The following USP38 variants were observed in gnomAD, a reference collection of about 807,000 sequenced individuals.
The protein encoded by USP38 is ubiquitin specific peptidase 38.
A neutral mutation model predicts 94.3 loss-of-function variants in USP38; 49 were observed. The observed-to-expected ratio is 0.52, with a 90% confidence interval of 0.41 to 0.66. The LOEUF is 0.66. Ranked by LOEUF, USP38 falls within the 30% of genes least tolerant of loss-of-function variation. USP38 has a pLI of 0.00. For missense variants in USP38, 1,128 were observed against 1,229.4 expected, an observed-to-expected ratio of 0.92 and a Z score of 1.23; for synonymous variants, 468 against 463.6, an observed-to-expected ratio of 1.01 and a Z score of -0.12.
chr4:143,186,438 G>A (rs1731226777), intron 1 of USP38, among the ~76,000 whole-genome samples: 1 of 152,188 alleles, frequency 6.6e-6, no homozygotes, highest in Non-Finnish European at 1.5e-5. Context: ...GAGGATGACA[G>A]CTACTGCAGA....
At position 143,185,627 on chromosome 4, in the gene USP38, G is replaced by A. The variant is rs1282694957; in HGVS notation, c.177G>A (p.Gln59=). ...ILEGQDPFQR[Q]VGHQVLEAYA... Reference sequence around the variant, plus strand: ...AGGGCCAGGACCCTTTCCAGCGGCAGGTGGGGCACCAGGTGCTGGAGGCCT... The same window carrying A: ...AGGGCCAGGACCCTTTCCAGCGGCAAGTGGGGCACCAGGTGCTGGAGGCCT... Residue 59 remains glutamine (Q), a synonymous_variant, in exon 1 of 10, where the codon CAG becomes CAA. Coordinates refer to ENST00000307017, the MANE Select transcript of USP38 (RefSeq NM_032557.6). 6.2e-7 allele frequency: 1 copy of A among 1,614,062 alleles called. No individual in the cohort carries two copies. The highest frequency in any genetic ancestry group is 8.5e-7 in the Non-Finnish European group (1 of 1,180,036).
At chr4:143,209,007 T>A (rs2149610675) in intron 6 of USP38, among the ~76,000 whole-genome samples, 1 of 151,876 alleles carries the variant, frequency 6.6e-6, no homozygotes, top group South Asian at 2.1e-4. Flanking sequence ...GTTTATCCTT[T>A]TCCCACGCTC....
chr4:143,205,001 G>T (rs369484065), intron 5 of USP38, among the ~76,000 whole-genome samples: 1 of 152,320 alleles, frequency 6.6e-6, no homozygotes, highest in African/African-American at 2.4e-5. Flanking sequence ...TATTGCTGGG[G>T]TGACACTTTG....
At chr4:143,197,443 G>T (rs997986609) in intron 3 of USP38, among the ~76,000 whole-genome samples, 2 of 152,230 alleles carry the variant, frequency 1.3e-5, no homozygotes, top group African/African-American at 2.4e-5. Context: ...GAGAGAGATG[G>T]TTTTTTGTTT....
intron 8 of USP38, among the ~76,000 whole-genome samples, chr4:143,213,000 G>A (rs1397625711): frequency 2.6e-5 from 4 of 152,070 alleles, no homozygotes; most frequent in African/African-American, 9.7e-5. Context: ...GTAAAGGAAA[G>A]CTCTTTGTTT....
At chr4:143,198,553 C>T (rs1731621431) in intron 4 of USP38, among the ~76,000 whole-genome samples, 2 of 152,126 alleles carry the variant, frequency 1.3e-5, no homozygotes, top group African/African-American at 4.8e-5. Context: ...ACTAGAAACT[C>T]ATTGTCAATA....
chr4:143,216,846 T>C (rs530263824), intron 9 of USP38, among the ~76,000 whole-genome samples: 2 of 152,268 alleles, frequency 1.3e-5, no homozygotes, highest in South Asian at 2.1e-4. Context: ...AGTCTCGCTC[T>C]GTCACCCAGG....
intron 9 of USP38, among the ~76,000 whole-genome samples, chr4:143,218,062 T>A (rs1323587339): frequency 6.6e-6 from 1 of 152,118 alleles, no homozygotes; most frequent in African/African-American, 2.4e-5. Context: ...TACCCACCCA[T>A]CTGTCGTGCA....
Position 143,214,340 on chromosome 4 carries a change from G to T in USP38, c.2364G>T (p.Leu788=). ...TTTTAGACAATGTATCACTGCCACT[G>T]GTTTTGGAGTTGCCAGTTAAAAGAA... The part of the protein sequence containing the change: ...RKILDNVSLP[L]VLELPVKRIT... The change falls in exon 9 of 10, where the codon CTG becomes CTT. Residue 788 remains leucine, a synonymous_variant. Transcript: ENST00000307017. 10 of 1,613,442 alleles carry T rather than the reference G, an allele frequency of 6.2e-6. No individual in the cohort carries two copies. Among genetic ancestry groups the T allele is most frequent in the Non-Finnish European group, 8.5e-6 (10 of 1,179,782 alleles).
At chr4:143,204,447 T>C (rs1348179455) in intron 5 of USP38, 2 of 450,704 alleles carry the variant, frequency 4.4e-6, no homozygotes, top group East Asian at 7.0e-5. Context: ...TGAAGTGCAA[T>C]GGCATGATCA....
chr4:143,206,038 T>C lies in USP38; in HGVS notation c.1215T>C (p.Phe405=). 6.4e-7 allele frequency: 1 copy of C among 1,573,540 alleles called. No homozygotes were observed. The highest frequency in any genetic ancestry group is 8.6e-7 in the Non-Finnish European group (1 of 1,163,766). The part of the protein sequence containing the change: ...YEPILEAIKD[F]PKPSEEKIKL... ...TTCTTCTTTATGACCTATAGGATTT[T>C]CCTAAGCCCAGTGAAGAGAAGATTA... is the stretch of plus-strand genomic sequence containing the variant. Residue 405 remains phenylalanine, a synonymous_variant, in exon 6 of 10, where the codon TTT becomes TTC. Transcript: ENST00000307017.
Position 143,214,036 on chromosome 4 carries a change from G to A in USP38, c.2060G>A (p.Cys687Tyr). 2 of 1,613,570 alleles carry A rather than the reference G, an allele frequency of 1.2e-6. No individual in the cohort carries two copies. The highest frequency in any genetic ancestry group is 1.7e-6 in the Non-Finnish European group (2 of 1,179,816). ...GGCAGTCCTCCTAATGAGTTTTACT[G>A]TTCTGAAAACACTTCTGTCCCTAAC... ...TIGSPPNEFY[C>Y]SENTSVPNES... The change falls in exon 9 of 10, where the codon TGT (cysteine) becomes TAT (tyrosine). Residue 687 changes from cysteine to tyrosine, a missense_variant. Physicochemically the swap from Cys to Tyr is radical, Grantham distance 194. Coordinates refer to ENST00000307017, the MANE Select transcript of USP38 (RefSeq NM_032557.6).
At chr4:143,217,240 C>T (rs1376306372) in intron 9 of USP38, among the ~76,000 whole-genome samples, 3 of 152,166 alleles carry the variant, frequency 2.0e-5, no homozygotes, top group African/African-American at 7.2e-5. Flanking sequence ...TATGTGGATG[C>T]ACATGTGCTC....
chr4:143,219,463 A>G (rs986154887), intron 9 of USP38, among the ~76,000 whole-genome samples: 4 of 152,078 alleles, frequency 2.6e-5, no homozygotes, highest in Non-Finnish European at 1.5e-5. Flanking sequence ...AATCGAAATA[A>G]TAGTGTTTTC....
rs762499848 is a variant in USP38, at chr4:143,214,858, C to T, written c.2882C>T (p.Thr961Ile). The stretch of plus-strand genomic sequence containing the variant: ...AATGGTTTAAGTGGTAATAACCCAA[C>T]CAGTGGACTCTGGATAAATGGAGAC... Reference protein sequence around the residue: ...STNGLSGNNPTSGLWINGDPP... With the variant: ...STNGLSGNNPISGLWINGDPP... The change falls in exon 9 of 10, where the codon ACC (threonine) becomes ATC (isoleucine). Residue 961 changes from threonine to isoleucine, a missense_variant. Coordinates refer to ENST00000307017, the MANE Select transcript of USP38 (RefSeq NM_032557.6). 1 of 1,613,510 alleles carries T rather than the reference C, an allele frequency of 6.2e-7. No individual in the cohort carries two copies. Among genetic ancestry groups the T allele is most frequent in the South Asian group, 1.1e-5 (1 of 91,072 alleles).
intron 9 of USP38, 52 bp downstream of exon 9, chr4:143,214,995 A>G (rs1732145724): frequency 6.7e-7 from 1 of 1,497,828 alleles, no homozygotes; most frequent in Non-Finnish European, 9.1e-7. Context: ...CAATTGACAC[A>G]GTTAAATGAG....
chr4:143,191,182 A>G (rs140007468), intron 2 of USP38, among the ~76,000 whole-genome samples: 7 of 152,308 alleles, frequency 4.6e-5, no homozygotes, highest in Non-Finnish European at 8.8e-5. Context: ...TTTCCCAAAC[A>G]TAGCAGTGAT....
Position 143,206,178 on chromosome 4 carries a change from A to G in USP38, c.1355A>G (p.Asn452Ser). 1 of 1,613,506 alleles carries G rather than the reference A, an allele frequency of 6.2e-7. No individual in the cohort carries two copies. Among genetic ancestry groups the G allele is most frequent in the Non-Finnish European group, 8.5e-7 (1 of 1,179,806 alleles). Residue 452 changes from asparagine (N) to serine (S), a missense_variant, in exon 6 of 10, where the codon AAT becomes AGT. Transcript: ENST00000307017. Reference protein sequence around the residue: ...TGKTGLINLGNTCYMNSVIQA... With the variant: ...TGKTGLINLGSTCYMNSVIQA... Reference sequence around the variant, plus strand: ...AAAACTGGTCTTATTAACCTAGGAAATACATGTTATATGAACAGTGTTATA... The same window carrying G: ...AAAACTGGTCTTATTAACCTAGGAAGTACATGTTATATGAACAGTGTTATA...
In USP38 at chr4:143,185,905, C is replaced by G; in HGVS notation, c.455C>G (p.Thr152Ser). 1 of 1,614,184 alleles carries G rather than the reference C, an allele frequency of 6.2e-7. No homozygotes were observed. The highest frequency in any genetic ancestry group is 8.5e-7 in the Non-Finnish European group (1 of 1,180,030). The change falls in exon 1 of 10, where the codon ACC (threonine) becomes AGC (serine). Residue 152 changes from threonine (T) to serine (S), a missense_variant. Coordinates refer to ENST00000307017, the MANE Select transcript of USP38 (RefSeq NM_032557.6). ...TGTGCCCGACTGAGCGACCTTCTGA[C>G]CGACTTTGTGCAATGCATCCCCAAG... The part of the protein sequence containing the change: ...QLCARLSDLL[T>S]DFVQCIPKGK...
Sources: gnomAD v4.1 joint callset for allele counts (sites outside exome capture counted in the v4.1 genomes callset) on GRCh38, gnomAD v4.1.1 for gene constraint, MANE v1.5 for transcripts, NCBI Gene and HGNC (gene_info 2026-07-23, HGNC 2026-07-21) for gene names.